Variants in QTGAL observed in about 807,000 individuals in gnomAD.
QTGAL encodes the protein queuosine-tRNA galactosyltransferase, also known as BGnT-like protein 1.
At chr17:83,016,070 T>C in the QTGAL span, among the ~76,000 whole-genome samples, 1 of 152,172 alleles carries the variant, frequency 6.6e-6, no homozygotes, top group East Asian at 1.9e-4. Flanking sequence ...TAAGCATTTA[T>C]TGATCGAGTG....
the QTGAL span, among the ~76,000 whole-genome samples, chr17:83,010,789 G>A: frequency 2.0e-5 from 3 of 152,206 alleles, no homozygotes; most frequent in South Asian, 4.1e-4. Context: ...AGCGGGGAAC[G>A]GCGCCCAGGA....
the QTGAL span, among the ~76,000 whole-genome samples, chr17:83,020,646 A>G: frequency 6.6e-6 from 1 of 152,206 alleles, no homozygotes; most frequent in Admixed American, 6.5e-5. Flanking sequence ...AGACAAAGTC[A>G]GCCCCAGGGG....
At chr17:83,024,060 C>T in the QTGAL span, among the ~76,000 whole-genome samples, 3 of 152,210 alleles carry the variant, frequency 2.0e-5, no homozygotes, top group African/African-American at 4.8e-5. Context: ...GGGGAGGACT[C>T]GCCTGATACG....
chr17:83,021,429 C>T, the QTGAL span, among the ~76,000 whole-genome samples: 3 of 119,342 alleles, frequency 2.5e-5, no homozygotes, highest in South Asian at 6.1e-4. Context: ...TTCAATAGCA[C>T]TGAAACCCAA....
the QTGAL span, among the ~76,000 whole-genome samples, chr17:82,977,430 G>C: frequency 2.0e-5 from 3 of 152,236 alleles, no homozygotes; most frequent in Non-Finnish European, 4.4e-5. Context: ...GTGTTGGGAG[G>C]GGGGTGAGTA....
At chr17:83,038,537 C>T in the QTGAL span, among the ~76,000 whole-genome samples, 1 of 152,170 alleles carries the variant, frequency 6.6e-6, no homozygotes, top group African/African-American at 2.4e-5. Context: ...ATAAAAGATG[C>T]AAAACTCTCT....
the QTGAL span, among the ~76,000 whole-genome samples, chr17:82,964,916 G>A: frequency 9.8e-5 from 12 of 122,046 alleles, 1 homozygote; most frequent in Non-Finnish European, 1.6e-4. Flanking sequence ...GCACCCCCAC[G>A]GGAGGACGGG....
the QTGAL span, chr17:83,035,128 T>C: frequency 6.3e-7 from 1 of 1,585,528 alleles, no homozygotes; most frequent in South Asian, 1.1e-5. Context: ...CAAAACTCTT[T>C]TATAATTCAG....
the QTGAL span, chr17:83,005,334 G>T: frequency 2.4e-6 from 2 of 839,186 alleles, no homozygotes; most frequent in Non-Finnish European, 1.9e-6. This position sits in a 1 kb window ranked among gnomAD's most constrained non-coding sequence, Gnocchi z 5.6. Context: ...CTGAAATGCT[G>T]CAAATCTGGG....
the QTGAL span, among the ~76,000 whole-genome samples, chr17:82,989,871 A>G: frequency 6.6e-6 from 1 of 152,250 alleles, no homozygotes; most frequent in Admixed American, 6.5e-5. Context: ...CTGATTTATG[A>G]AAAAGTATAC....
the QTGAL span, among the ~76,000 whole-genome samples, chr17:82,970,592 GCACCCGGCGTGGCCGCGACCTCCC>G: frequency 5.5e-4 from 33 of 60,210 alleles, 3 homozygotes; most frequent in South Asian, 3.1e-3. Context: ...CGCGACCTCC[GCACCCGGCGTGGCCGCGACCTCCC>G]CACCCGGCGT....
the QTGAL span, among the ~76,000 whole-genome samples, chr17:83,008,220 G>A: frequency 1.3e-5 from 2 of 152,222 alleles, no homozygotes; most frequent in Non-Finnish European, 2.9e-5. Context: ...CCTGTGCGCT[G>A]GCCTGAGAGG....
the QTGAL span, among the ~76,000 whole-genome samples, chr17:83,008,585 C>T: frequency 2.6e-5 from 4 of 152,152 alleles, no homozygotes; most frequent in Non-Finnish European, 5.9e-5. Flanking sequence ...GTGAGGTCTG[C>T]GCTCCCTCCC....
chr17:83,023,769 G>A, the QTGAL span, among the ~76,000 whole-genome samples: 3 of 152,080 alleles, frequency 2.0e-5, no homozygotes, highest in Non-Finnish European at 2.9e-5. Flanking sequence ...CACGTCTCCC[G>A]ACCTCCAGCA....
chr17:82,959,873 T>C, the QTGAL span, among the ~76,000 whole-genome samples: 1 of 152,110 alleles, frequency 6.6e-6, no homozygotes, highest in East Asian at 1.9e-4. Flanking sequence ...TGGTTCATCT[T>C]CATTTTTCAC....
chr17:83,019,709 A>T, the QTGAL span, among the ~76,000 whole-genome samples: 3 of 152,240 alleles, frequency 2.0e-5, no homozygotes, highest in Admixed American at 2.0e-4. Context: ...CACAAAAACT[A>T]AAAGACAAAC....
chr17:83,035,056 A>T, the QTGAL span: 3 of 1,611,830 alleles, frequency 1.9e-6, no homozygotes, highest in Non-Finnish European at 2.5e-6. Flanking sequence ...AGCAAAGGTA[A>T]GACCCTGAGC....
chr17:83,032,248 C>T, the QTGAL span, among the ~76,000 whole-genome samples: 1 of 82,484 alleles, frequency 1.2e-5, no homozygotes, highest in Admixed American at 1.2e-4. Flanking sequence ...AACAACGGGT[C>T]AGACCAGGCC....
the QTGAL span, chr17:82,942,663 C>T: frequency 1.6e-6 from 1 of 639,530 alleles, no homozygotes. Flanking sequence ...TCTGCCTTCA[C>T]TTGAACACAA....
Sources: allele counts gnomAD v4.1 joint callset (sites outside exome capture counted in the v4.1 genomes callset), GRCh38; gene constraint gnomAD v4.1.1; non-coding constraint Gnocchi (gnomAD v3.1); transcripts MANE v1.5; gene names NCBI Gene and HGNC (gene_info 2026-07-23, HGNC 2026-07-21).